ABLIM2: variants seen among roughly 807,000 people sequenced by gnomAD.
ABLIM2 encodes the protein actin-binding LIM protein 2.
Under a neutral mutation model 97.7 loss-of-function variants are expected in ABLIM2, and 53 were observed. The observed-to-expected ratio is 0.54, with a 90% CI of 0.44 to 0.68. The LOEUF (loss-of-function observed/expected upper bound fraction) is 0.68, where lower values mean the gene tolerates loss of function less well. Among genes scored for constraint, ABLIM2 ranks in the 30% least tolerant of loss-of-function variants. ABLIM2 has a pLI of 0.00. For missense variants in ABLIM2, 835 were observed against 867.2 expected (o/e 0.96, Z 0.47); for synonymous variants, 361 against 345.8 (o/e 1.04, Z -0.49).
chr4:8,049,459 T>C (rs1246895658), intron 8 of ABLIM2, among the ~76,000 whole-genome samples: 1 of 152,186 alleles, frequency 6.6e-6, no homozygotes, highest in African/African-American at 2.4e-5. Context: ...GGCCAGGGCA[T>C]GCCAAAGTTA....
intron 3 of ABLIM2, 57 bp downstream of exon 3, chr4:8,097,042 A>AGGGC: frequency 6.5e-7 from 1 of 1,527,802 alleles, no homozygotes; most frequent in South Asian, 1.3e-5. Context: ...GGAGGGAGGG[A>AGGGC]AGGAGAAAAG....
intron 6 of ABLIM2, among the ~76,000 whole-genome samples, chr4:8,076,851 TGGGGGGGTCTGTG>T (rs1816388890): frequency 0.024 from 42 of 1,774 alleles, 9 homozygotes; most frequent in African/African-American, 0.053. Context: ...GGCTACAGGG[TGGGGGGGTCTGTG>T]AACCCAGAGA....
At chr4:8,111,468 T>C (rs1840254539) in intron 1 of ABLIM2, among the ~76,000 whole-genome samples, 1 of 152,200 alleles carries the variant, frequency 6.6e-6, no homozygotes, top group African/African-American at 2.4e-5. Flanking sequence ...CTGTAAAGTA[T>C]GAACTTCGCT....
intron 10 of ABLIM2, among the ~76,000 whole-genome samples, chr4:8,030,814 C>A (rs941634934): frequency 6.6e-6 from 1 of 152,184 alleles, no homozygotes; most frequent in African/African-American, 2.4e-5. Context: ...GTGGGTTTGG[C>A]AGCTCGGTGC....
intron 2 of ABLIM2, among the ~76,000 whole-genome samples, chr4:8,105,908 GC>G (rs1472509461): frequency 2.0e-5 from 3 of 152,152 alleles, no homozygotes; most frequent in African/African-American, 4.8e-5. Context: ...ATCTCCGTTG[GC>G]CGGGCCCGGT....
At chr4:8,078,733 A>G (rs6850525) in intron 5 of ABLIM2, among the ~76,000 whole-genome samples, 1 of 152,012 alleles carries the variant, frequency 6.6e-6, no homozygotes, top group Non-Finnish European at 1.5e-5. Flanking sequence ...AGCTTCCCCA[A>G]CTGCATAATG....
intron 1 of ABLIM2, among the ~76,000 whole-genome samples, chr4:8,133,386 G>A (rs1321846491): frequency 6.6e-6 from 1 of 152,130 alleles, no homozygotes. Flanking sequence ...CATTAAGGGA[G>A]TTTTCTCCCC....
rs531652542 is a variant in ABLIM2, at chr4:7,997,220, C to T, written c.1619-4293G>A. On this transcript the variant is annotated intron_variant, in intron 16 of 20. Transcript: ENST00000447017. ...CCAAGTAACTGAGACTATGGGTGCA[C>T]GCCATCATGTCCAGCTAACTTTTGT... 1.8e-4 allele frequency among the ~76,000 whole-genome samples: 28 copies of T among 152,222 alleles called. No individual in the cohort carries two copies. In the South Asian group the frequency reaches 5.0e-3, roughly 27 times the overall value.
chr4:8,001,256 G>C lies in ABLIM2; in HGVS notation c.1618+6803C>G, dbSNP rs2150196672. ...AGGACAGAGGAGGCCCTGGGGCTGTGGCTATGAGACAACATGAGCTCTCAG... is the reference window on the plus strand; with the variant it reads ...AGGACAGAGGAGGCCCTGGGGCTGTCGCTATGAGACAACATGAGCTCTCAG... On this transcript the variant is annotated intron_variant, in intron 16 of 20. Coordinates refer to ENST00000447017, the MANE Select transcript of ABLIM2 (RefSeq NM_001130083.2). The surrounding 1 kb of genome is among the most constrained non-coding windows in gnomAD (Gnocchi z 4.2). Among the ~76,000 whole-genome samples the C allele has an allele frequency of 6.6e-6, 1 of 152,294 alleles. No individual in the cohort carries two copies. The highest frequency in any genetic ancestry group is 3.4e-3 in the Middle Eastern group (1 of 294).
intron 20 of ABLIM2, among the ~76,000 whole-genome samples, chr4:7,968,034 C>T (rs1029921830): frequency 6.6e-6 from 1 of 152,250 alleles, no homozygotes; most frequent in Admixed American, 6.5e-5. Flanking sequence ...AACCCCGCAT[C>T]CCTCAGAGCT....
Position 8,023,808 on chromosome 4 carries a change from T to C in ABLIM2, c.1268-3505A>G, listed in dbSNP as rs1022463702. On this transcript the variant is annotated intron_variant, in intron 12 of 20. Transcript: ENST00000447017. This position sits in a 1 kb window ranked among gnomAD's most constrained non-coding sequence, Gnocchi z 5.7. ...GTAGATCCTTGTGGACTGACGGCTC[T>C]TGCTATTATACTCTAGTTTACAATC... is the stretch of plus-strand genomic sequence containing the variant. Among the ~76,000 whole-genome samples, 2 of 152,234 alleles carry C rather than the reference T, an allele frequency of 1.3e-5. No homozygotes were observed. The highest frequency in any genetic ancestry group is 4.8e-5 in the African/African-American group (2 of 41,472).
chr4:8,086,041 T>C (rs933278272), intron 4 of ABLIM2, among the ~76,000 whole-genome samples: 22 of 152,242 alleles, frequency 1.4e-4, no homozygotes, highest in Admixed American at 9.2e-4. Context: ...TAAAGGAGGC[T>C]GGACTGGGAA....
chr4:7,981,402 G>A (rs1331243742), intron 20 of ABLIM2, among the ~76,000 whole-genome samples: 2 of 152,156 alleles, frequency 1.3e-5, no homozygotes, highest in Non-Finnish European at 2.9e-5. Flanking sequence ...CCGAACCAAT[G>A]TGTACCTTAC....
intron 1 of ABLIM2, among the ~76,000 whole-genome samples, chr4:8,136,539 A>T (rs11941804): frequency 0.13 from 19,164 of 152,292 alleles, 1,417 homozygotes; most frequent in African/African-American, 0.21. Context: ...AGGGCTCTGC[A>T]GTACCAGGTG....
rs184245527 is a variant in ABLIM2 at position 8,021,587 on chromosome 4, C to T, written c.1268-1284G>A. On this transcript the variant is annotated intron_variant, in intron 12 of 20. Coordinates refer to ENST00000447017, the MANE Select transcript of ABLIM2 (RefSeq NM_001130083.2). The surrounding 1 kb of genome is among the most constrained non-coding windows in gnomAD (Gnocchi z 5.5). ...AAATGAAACAGAAATAGAACTTCTG[C>T]GGTGGGTGAGTGATGTGCTGGGCCT... 1.3e-3 allele frequency among the ~76,000 whole-genome samples: 199 copies of T among 152,332 alleles called. No homozygotes were observed. The highest frequency in any genetic ancestry group is 4.1e-3 in the African/African-American group (170 of 41,576).
intron 8 of ABLIM2, among the ~76,000 whole-genome samples, chr4:8,050,001 T>A (rs1794964395): frequency 6.6e-6 from 1 of 152,234 alleles, no homozygotes; most frequent in Non-Finnish European, 1.5e-5. Context: ...GTGCTAGGAT[T>A]ACAGGTGTGA....
In ABLIM2 at chr4:8,112,328, C is replaced by T. The variant is rs1394130161; in HGVS notation, c.11-5691G>A. Among the ~76,000 whole-genome samples the T allele has an allele frequency of 2.0e-5, 3 of 152,230 alleles. No individual in the cohort carries two copies. The highest frequency in any genetic ancestry group is 4.4e-5 in the Non-Finnish European group (3 of 68,036). ...CCACCATCCAGGGGCAGCGGTGTGA[C>T]CTTGGTGAATGGATTTAACTCTGCA... On this transcript the variant is annotated intron_variant, in intron 1 of 20. Transcript: ENST00000447017. This position sits in a 1 kb window ranked among gnomAD's most constrained non-coding sequence, Gnocchi z 4.2.
intron 7 of ABLIM2, among the ~76,000 whole-genome samples, chr4:8,059,026 CT>C (rs1801208875): frequency 6.6e-6 from 1 of 152,132 alleles, no homozygotes; most frequent in African/African-American, 2.4e-5. Flanking sequence ...ATCTCACCCC[CT>C]CTCTCATCCA....
At position 7,967,026 on chromosome 4, in the gene ABLIM2, C is replaced by T. The variant is rs373577747; in HGVS notation, c.1902G>A (p.Lys634=). ...IEEFDRLALW[K]RNDLKKKALL... is the part of the protein sequence containing the mutation. ...GGGCTTTCTTCTTAAGGTCATTCCT[C>T]TTCCAGAGGGCCAGGCGGTCAAACT... The change falls in exon 21 of 21, where the codon AAG becomes AAA. Residue 634 remains lysine, a synonymous_variant. Transcript: ENST00000447017. The T allele has an allele frequency of 6.2e-7, 1 of 1,613,884 alleles. No individual in the cohort carries two copies. The highest frequency in any genetic ancestry group is 1.3e-5 in the African/African-American group (1 of 75,068).
Sources: allele counts gnomAD v4.1 joint callset (sites outside exome capture counted in the v4.1 genomes callset), GRCh38; gene constraint gnomAD v4.1.1; non-coding constraint Gnocchi (gnomAD v3.1); transcripts MANE v1.5; gene names NCBI Gene and HGNC (gene_info 2026-07-23, HGNC 2026-07-21).